Variants in MFHAS1 observed in about 807,000 individuals in gnomAD.
MFHAS1 encodes the protein malignant fibrous histiocytoma-amplified sequence 1.
Under a neutral mutation model 70.4 loss-of-function variants are expected in MFHAS1, and 50 were observed. The observed-to-expected ratio is 0.71, with a 90% CI of 0.57 to 0.90. The LOEUF is 0.90. MFHAS1 is among the 40% of genes least tolerant of loss of function. MFHAS1 has a pLI of 0.00. For missense variants in MFHAS1, 1,795 were observed against 1,347.6 expected (o/e 1.33, Z -5.20); for synonymous variants, 952 against 620.0 (o/e 1.54, Z -7.96).
chr8:8,874,074 GC>G (rs1180994855), intron 1 of MFHAS1, among the ~76,000 whole-genome samples: 1 of 152,028 alleles, frequency 6.6e-6, no homozygotes, highest in African/African-American at 2.4e-5. Flanking sequence ...AACCCTCGAG[GC>G]TTTTTTTAGG....
chr8:8,793,179 A>C (rs1440235506), intron 2 of MFHAS1, among the ~76,000 whole-genome samples: 7 of 150,304 alleles, frequency 4.7e-5, no homozygotes, highest in Admixed American at 6.6e-5. Context: ...GTTAAAACAA[A>C]AAAAAAAATA....
chr8:8,888,529 C>A (rs946517215), intron 1 of MFHAS1, among the ~76,000 whole-genome samples: 2 of 152,094 alleles, frequency 1.3e-5, no homozygotes, highest in Non-Finnish European at 2.9e-5. Context: ...CACACACACA[C>A]ACACACACAC....
chr8:8,801,703 A>G lies in MFHAS1; in HGVS notation c.2999-4212T>C, dbSNP rs115640179. On this transcript the variant is annotated intron_variant, in intron 1 of 2. Transcript: ENST00000276282. ...AATAAAGTGCATTATTTCACTGAGT[A>G]ACTAACTATTGAGACCTTACTGTGG... Among the ~76,000 whole-genome samples the G allele has an allele frequency of 3.6e-3, 556 of 152,358 alleles. 3 individuals are homozygous for G. The highest frequency in any genetic ancestry group is 0.013 in the African/African-American group (536 of 41,566).
intron 1 of MFHAS1, among the ~76,000 whole-genome samples, chr8:8,823,780 T>C (rs1007769029): frequency 2.7e-5 from 4 of 146,460 alleles, no homozygotes; most frequent in African/African-American, 7.6e-5. Flanking sequence ...CTGTGCTCCA[T>C]CTCTGATGTA....
At chr8:8,830,473 C>A (rs1488120434) in intron 1 of MFHAS1, among the ~76,000 whole-genome samples, 1 of 152,118 alleles carries the variant, frequency 6.6e-6, no homozygotes, top group South Asian at 2.1e-4. Flanking sequence ...TCTAAAATTA[C>A]AGGTTATTAA....
At position 8,890,842 on chromosome 8, in the gene MFHAS1, G is replaced by A; in HGVS notation, c.2217C>T (p.Val739=). ...NLTRLIDILN[V]FFQRDPSLLL... ...GCAAAGAGGGATCCCTCTGGAAGAAGACATTGAGGATGTCGATGAGGCGGG... is the reference window on the plus strand; with the variant it reads ...GCAAAGAGGGATCCCTCTGGAAGAAAACATTGAGGATGTCGATGAGGCGGG... The change falls in exon 1 of 3, where the codon GTC becomes GTT. Residue 739 remains valine (V), a synonymous_variant. Transcript: ENST00000276282. 6.2e-7 allele frequency: 1 copy of A among 1,614,228 alleles called. No individual in the cohort carries two copies. The highest frequency in any genetic ancestry group is 8.5e-7 in the Non-Finnish European group (1 of 1,180,042).
chr8:8,891,100 G>A lies in MFHAS1; in HGVS notation c.1959C>T (p.Pro653=). 1.9e-6 allele frequency: 3 copies of A among 1,613,910 alleles called. No homozygotes were observed. The highest frequency in any genetic ancestry group is 1.7e-6 in the Non-Finnish European group (2 of 1,179,992). The part of the protein sequence containing the change: ...LSVAEHREIF[P]NLHRVLPRSW... ...ATCGAGGCAGTACTCTGTGTAAGTTGGGGAAGATCTCTCGGTGCTCAGCAA... is the reference window on the plus strand; with the variant it reads ...ATCGAGGCAGTACTCTGTGTAAGTTAGGGAAGATCTCTCGGTGCTCAGCAA... Residue 653 remains proline, a synonymous_variant, in exon 1 of 3, where the codon CCC becomes CCT. Transcript: ENST00000276282. This position sits in a 1 kb window ranked among gnomAD's most constrained non-coding sequence, Gnocchi z 5.4.
chr8:8,793,947 G>C (rs540483030), intron 2 of MFHAS1, among the ~76,000 whole-genome samples: 1 of 152,104 alleles, frequency 6.6e-6, no homozygotes. Context: ...CAGCATTTTC[G>C]GAGGCTGAGG....
intron 1 of MFHAS1, among the ~76,000 whole-genome samples, chr8:8,875,050 G>T (rs747999235): frequency 3.3e-5 from 5 of 152,110 alleles, no homozygotes; most frequent in Admixed American, 1.3e-4. Context: ...GTGACATATT[G>T]TTTCCATTAA....
intron 1 of MFHAS1, among the ~76,000 whole-genome samples, chr8:8,797,719 G>A (rs1040059530): frequency 6.6e-6 from 1 of 152,254 alleles, no homozygotes; most frequent in African/African-American, 2.4e-5. Flanking sequence ...CATGGTTATG[G>A]CAGGAAGGCC....
At chr8:8,812,188 A>G (rs554100737) in intron 1 of MFHAS1, among the ~76,000 whole-genome samples, 54 of 152,206 alleles carry the variant, frequency 3.5e-4, no homozygotes, top group African/African-American at 1.3e-3. Flanking sequence ...GTAGTGCAAA[A>G]TGTCCTCTTC....
intron 2 of MFHAS1, 91 bp downstream of exon 2, chr8:8,797,274 A>G: frequency 6.8e-7 from 1 of 1,472,482 alleles, no homozygotes; most frequent in Non-Finnish European, 9.3e-7. Flanking sequence ...AGGTTTGTGC[A>G]GATGCAGTTT....
chr8:8,893,064 G>C lies in MFHAS1; in HGVS notation c.-6C>G. The C allele has an allele frequency of 1.4e-6, 2 of 1,479,058 alleles. No homozygotes were observed. The highest frequency in any genetic ancestry group is 1.8e-6 in the Non-Finnish European group (2 of 1,123,838). 91.6% of individuals were successfully genotyped at this position (1,479,058 alleles called of 1,614,324 possible). A position where few individuals can be genotyped will look rare whatever the true frequency, so the allele number is the denominator to read the frequency against. On this transcript the variant is annotated 5_prime_UTR_variant, in exon 1 of 3. Coordinates refer to ENST00000276282, the MANE Select transcript of MFHAS1 (RefSeq NM_004225.3). ...CCACTGTCCATCCCAGCCATGGCGG[G>C]GCCCCGGGCCGACAGCCTCACGCGG...
At chr8:8,859,805 T>C (rs779033458) in intron 1 of MFHAS1, among the ~76,000 whole-genome samples, 35 of 152,340 alleles carry the variant, frequency 2.3e-4, no homozygotes, top group Non-Finnish European at 4.4e-4. Flanking sequence ...CTATTAGTAG[T>C]TAAATTCTGC....
chr8:8,854,357 T>C lies in MFHAS1; in HGVS notation c.2998+35704A>G, dbSNP rs368607714. Among the ~76,000 whole-genome samples, 9 of 152,042 alleles carry C rather than the reference T, an allele frequency of 5.9e-5. No homozygotes were observed. In the East Asian group the frequency reaches 1.2e-3, roughly 20 times the overall value. On this transcript the variant is annotated intron_variant, in intron 1 of 2. Transcript: ENST00000276282. ...TAACACAGTGAAACCCCGTCTCTAC[T>C]AAAAATACAAAAAATCAGCCAGGCT...
intron 1 of MFHAS1, among the ~76,000 whole-genome samples, chr8:8,819,608 CAAAAAAAAA>C (rs201326485): frequency 1.1e-5 from 1 of 91,262 alleles, no homozygotes; most frequent in African/African-American, 4.0e-5. Context: ...CAACTCAAAA[CAAAAAAAAA>C]AAAAAAAAAG....
chr8:8,813,431 A>G (rs1216378461), intron 1 of MFHAS1, among the ~76,000 whole-genome samples: 2 of 152,228 alleles, frequency 1.3e-5, no homozygotes, highest in African/African-American at 4.8e-5. Context: ...ATTACAGGGT[A>G]TAACAGCTCC....
intron 1 of MFHAS1, among the ~76,000 whole-genome samples, chr8:8,803,018 C>A (rs1416712570): frequency 2.6e-5 from 4 of 152,152 alleles, no homozygotes; most frequent in African/African-American, 9.7e-5. Flanking sequence ...GGGGTACCCA[C>A]AGGTATATTC....
At chr8:8,866,374 G>A (rs776105333) in intron 1 of MFHAS1, among the ~76,000 whole-genome samples, 6 of 150,296 alleles carry the variant, frequency 4.0e-5, no homozygotes, top group East Asian at 1.9e-4. Context: ...GCTGGAGTAC[G>A]GTGGCGTAAT....
Sources: gnomAD v4.1 joint callset for allele counts (sites outside exome capture counted in the v4.1 genomes callset) on GRCh38, gnomAD v4.1.1 for gene constraint, Gnocchi (gnomAD v3.1) non-coding constraint, MANE v1.5 for transcripts, NCBI Gene and HGNC (gene_info 2026-07-23, HGNC 2026-07-21) for gene names.